The following HSPA9 variants were observed in gnomAD, a reference collection of about 807,000 sequenced individuals.
HSPA9 encodes the protein stress-70 protein, mitochondrial.
A neutral mutation model predicts 81.5 loss-of-function variants in HSPA9; 28 were observed. The observed-to-expected ratio is 0.34, with a 90% CI of 0.25 to 0.47. The LOEUF (loss-of-function observed/expected upper bound fraction) is 0.47. HSPA9 is among the 20% of genes least tolerant of loss of function. The pLI is 1.00. For synonymous variants in HSPA9, 293 were observed against 290.4 expected, an observed-to-expected ratio of 1.01 and a Z score of -0.09; for missense variants, 678 against 838.0, an observed-to-expected ratio of 0.81 and a Z score of 2.36.
At chr5:138,556,889 A>G (rs1315934515) in intron 14 of HSPA9, 23 bp from the exon 15 acceptor site, 8 of 1,568,062 alleles carry the variant, frequency 5.1e-6, no homozygotes, top group Admixed American at 1.7e-5. Context: ...AGAAGTTTAA[A>G]CGAAGACTTT....
At chr5:138,566,186 CTCAAAAA>C (rs1750754929) in intron 9 of HSPA9, among the ~76,000 whole-genome samples, 1 of 72,350 alleles carries the variant, frequency 1.4e-5, no homozygotes, top group Non-Finnish European at 2.5e-5. Flanking sequence ...AAAACTCTGT[CTCAAAAA>C]AAAAAAAAAA....
intron 11 of HSPA9, among the ~76,000 whole-genome samples, chr5:138,559,220 C>T (rs1470154181): frequency 6.6e-6 from 1 of 152,090 alleles, no homozygotes; most frequent in East Asian, 1.9e-4. Context: ...ATCCACCCAC[C>T]TCAGCCTCCT....
rs780336586 is a variant in HSPA9, at chr5:138,556,457, T to C, written c.1957A>G (p.Lys653Glu). The C allele has an allele frequency of 3.7e-6, 6 of 1,613,550 alleles. No homozygotes were observed. The highest frequency in any genetic ancestry group is 5.1e-6 in the Non-Finnish European group (6 of 1,180,034). The change falls in exon 16 of 17, where the codon AAA becomes GAA. Residue 653 changes from lysine (K) to glutamate (E), a missense_variant. By Grantham distance (56) the Lys-to-Glu change is moderately conservative (BLOSUM62 1). This residue lies in a region of HSPA9 where 100 missense variants were observed against 99.5 expected (regional missense o/e 1.00). Transcript: ENST00000297185. ...ASLKLFEMAYKKMASEREGSG... is the reference protein window; with the variant it reads ...ASLKLFEMAYEKMASEREGSG... Reference sequence around the variant, plus strand: ...ATCCACTTCAGCCCTTGTACCTTTTTGTATGCCATTTCGAACAGCTTCAGT... The same window carrying C: ...ATCCACTTCAGCCCTTGTACCTTTTCGTATGCCATTTCGAACAGCTTCAGT...
chr5:138,557,375 A>G lies in HSPA9; in HGVS notation c.1728+27T>C, dbSNP rs374608468. The G allele has an allele frequency of 2.7e-6, 4 of 1,480,430 alleles. No individual in the cohort carries two copies. In the South Asian group the frequency reaches 3.4e-5, roughly 13 times the overall value. The allele number at this position is 1,480,430 out of a possible 1,614,324, so 91.7% of individuals were successfully genotyped here. A position where few individuals can be genotyped will look rare whatever the true frequency, so the allele number is the denominator to read the frequency against. On this transcript the variant is annotated intron_variant, in intron 14 of 16. Transcript: ENST00000297185. ...GTCAAGACTGAGCTTTACTAAGATT[A>G]AAGTTCAGAAGACAAGAAGTAATCA...
intron 15 of HSPA9, 58 bp downstream of exon 15, chr5:138,556,716 T>TCACTGG: frequency 1.3e-6 from 2 of 1,559,570 alleles, no homozygotes; most frequent in South Asian, 1.1e-5. Flanking sequence ...AAAATAAACT[T>TCACTGG]CACTGGCATT....
rs971289785 is a variant in HSPA9, at chr5:138,555,888, G to C, written c.*149C>G. On this transcript the variant is annotated 3_prime_UTR_variant, in exon 17 of 17. Transcript: ENST00000297185. ...GTCCATTAAATGATCACTAGCTAATGGTCACTAAATTTACAAATTAAGGAA... is the reference window on the plus strand; with the variant it reads ...GTCCATTAAATGATCACTAGCTAATCGTCACTAAATTTACAAATTAAGGAA... 40 of 670,404 alleles carry C rather than the reference G, an allele frequency of 6.0e-5. No homozygotes were observed. The African/African-American group carries it at 7.1e-4, about 12-fold the overall frequency. 41.5% of individuals were successfully genotyped at this position (670,404 alleles called of 1,614,324 possible).
Position 138,555,880 on chromosome 5 carries a change from T to C in HSPA9, c.*157A>G, listed in dbSNP as rs756118383. 3 of 658,048 alleles carry C rather than the reference T, an allele frequency of 4.6e-6. No individual in the cohort carries two copies. Among genetic ancestry groups the C allele is most frequent in the Non-Finnish European group, 8.1e-6 (3 of 368,370 alleles). The allele number at this position is 658,048 out of a possible 1,614,324, so 40.8% of individuals were successfully genotyped here. A position where few individuals can be genotyped will look rare whatever the true frequency, so the allele number is the denominator to read the frequency against. On this transcript the variant is annotated 3_prime_UTR_variant, in exon 17 of 17. Transcript: ENST00000297185. ...GAATCACTGTCCATTAAATGATCAC[T>C]AGCTAATGGTCACTAAATTTACAAA...
In HSPA9 at chr5:138,571,709, C is replaced by T. The variant is rs1284016185; in HGVS notation, c.229-568G>A. Among the ~76,000 whole-genome samples the T allele has an allele frequency of 3.3e-5, 5 of 150,324 alleles. No individual in the cohort carries two copies. In the East Asian group the frequency reaches 5.9e-4, roughly 18 times the overall value. On this transcript the variant is annotated intron_variant, in intron 3 of 16. Coordinates refer to ENST00000297185, the MANE Select transcript of HSPA9 (RefSeq NM_004134.7). ...TCACCCAGACTGGAGTGCAGTGGCG[C>T]GATCTCGGCTCACTGCAAACTCCCT...
chr5:138,569,299 CTTTA>C (rs978387058), intron 4 of HSPA9, among the ~76,000 whole-genome samples: 104 of 152,314 alleles, frequency 6.8e-4, no homozygotes, highest in African/African-American at 2.4e-3. Context: ...CCTCAACATT[CTTTA>C]TTTAGCGCCC....
rs1187071076 is a variant in HSPA9, at chr5:138,567,514, C to T, written c.657G>A (p.Val219=). ...GAGCAGCAGCTGTGGGCTCATTAAT[C>T]ACCCGAAGCACATTCAGTCCAGATA... ...GQISGLNVLR[V]INEPTAAALA... is the part of the protein sequence containing the mutation. The change falls in exon 7 of 17, where the codon GTG becomes GTA. Residue 219 remains valine (V), a synonymous_variant. Coordinates refer to ENST00000297185, the MANE Select transcript of HSPA9 (RefSeq NM_004134.7). 2 of 1,614,052 alleles carry T rather than the reference C, an allele frequency of 1.2e-6. No homozygotes were observed. Among genetic ancestry groups the T allele is most frequent in the Admixed American group, 1.7e-5 (1 of 60,006 alleles).
In HSPA9 at chr5:138,554,234, G is replaced by A. The variant is rs1290503418; in HGVS notation, c.*1803C>T. On this transcript the variant is annotated 3_prime_UTR_variant, in exon 17 of 17. Coordinates refer to ENST00000297185, the MANE Select transcript of HSPA9 (RefSeq NM_004134.7). ...TAGAACTCAAATATATATTTTGCTT[G>A]GGCATTTGGCTCCTCTCTCTGATCC... is the stretch of plus-strand genomic sequence containing the variant. Among the ~76,000 whole-genome samples the A allele has an allele frequency of 6.6e-6, 1 of 152,128 alleles. No individual in the cohort carries two copies. Among genetic ancestry groups the A allele is most frequent in the Non-Finnish European group, 1.5e-5 (1 of 68,026 alleles).
intron 11 of HSPA9, 27 bp from the exon 12 acceptor site, chr5:138,558,684 T>C (rs373166324): frequency 2.9e-6 from 4 of 1,402,676 alleles, no homozygotes; most frequent in Non-Finnish European, 4.1e-6. Flanking sequence ...CCTCCTGGGT[T>C]GTCAATGTGA....
At chr5:138,567,228 A>G in intron 7 of HSPA9, 65 bp from the exon 8 acceptor site, 3 of 1,343,594 alleles carry the variant, frequency 2.2e-6, no homozygotes, top group East Asian at 2.5e-5. Context: ...TCACCAGGAT[A>G]TAAATTTCAA....
intron 3 of HSPA9, among the ~76,000 whole-genome samples, chr5:138,571,557 A>G (rs916848659): frequency 1.1e-4 from 17 of 152,150 alleles, no homozygotes; most frequent in African/African-American, 4.1e-4. Context: ...ATGCACATCA[A>G]CAATACTACC....
At chr5:138,574,177 GA>G in intron 1 of HSPA9, 51 bp from the exon 2 acceptor site, 1 of 1,342,552 alleles carries the variant, frequency 7.4e-7, no homozygotes, top group Non-Finnish European at 1.1e-6. Context: ...ATCCTGGGAG[GA>G]AAAAGAGAAA....
intron 13 of HSPA9, among the ~76,000 whole-genome samples, 171 bp downstream of exon 13, chr5:138,557,698 T>G (rs1008219106): frequency 2.6e-5 from 4 of 152,118 alleles, no homozygotes; most frequent in Admixed American, 6.6e-5. Flanking sequence ...TGTTTGCCCA[T>G]CAAAACTTCA....
intron 9 of HSPA9, among the ~76,000 whole-genome samples, chr5:138,564,053 T>G (rs945424336): frequency 1.3e-5 from 2 of 152,226 alleles, no homozygotes; most frequent in African/African-American, 2.4e-5. Context: ...ATTCTTGTTA[T>G]GCTGAACACC....
chr5:138,573,691 C>T (rs1751007258), intron 3 of HSPA9, 72 bp downstream of exon 3: 2 of 556,596 alleles, frequency 3.6e-6, no homozygotes, highest in African/African-American at 2.0e-5. Flanking sequence ...TTCTCAAATT[C>T]CTTAACTAAG....
At chr5:138,572,790 A>G (rs959241302) in intron 3 of HSPA9, among the ~76,000 whole-genome samples, 8 of 152,084 alleles carry the variant, frequency 5.3e-5, no homozygotes, top group South Asian at 2.1e-4. Flanking sequence ...TATATGCCTG[A>G]TATCTGTGGC....
Sources: gnomAD v4.1 joint callset for allele counts (sites outside exome capture counted in the v4.1 genomes callset) on GRCh38, gnomAD v4.1.1 for gene constraint, gnomAD v4.1.1 regional missense constraint, MANE v1.5 for transcripts, NCBI Gene and HGNC (gene_info 2026-07-23, HGNC 2026-07-21) for gene names.